Variants in TRPC5OS observed in about 807,000 individuals in gnomAD.
The protein encoded by TRPC5OS is TRPC5 opposite strand, also known as putative uncharacterized protein TRPC5OS.
For synonymous variants in TRPC5OS, 30 were observed against 29.3 expected (o/e 1.02, Z -0.08); for missense variants, 64 against 79.3 (o/e 0.81, Z 0.73).
chrX:111,893,752 T>C (rs1428027276), intron 1 of TRPC5OS, among the ~76,000 whole-genome samples: 3 of 112,248 alleles, frequency 2.7e-5, no homozygotes, highest in Non-Finnish European at 5.6e-5. Flanking sequence ...AAATTAAAGA[T>C]GCTTCATGGG....
chrX:111,888,689 A>G (rs1266851809), intron 1 of TRPC5OS, among the ~76,000 whole-genome samples: 3 of 73,667 alleles, frequency 4.1e-5, no homozygotes, highest in South Asian at 7.8e-4. Context: ...GCGAGACTCT[A>G]TCTCAAAAAA....
At chrX:111,889,605 C>T (rs1222881920) in intron 1 of TRPC5OS, among the ~76,000 whole-genome samples, 2 of 111,671 alleles carry the variant, frequency 1.8e-5, no homozygotes, top group Non-Finnish European at 3.8e-5. Context: ...CACTCTTTAC[C>T]CATGTTTAAA....
chrX:111,886,061 C>T (rs948133992), intron 1 of TRPC5OS, among the ~76,000 whole-genome samples: 5 of 111,923 alleles, frequency 4.5e-5, no homozygotes, highest in African/African-American at 1.6e-4. Flanking sequence ...GGGTGGATCA[C>T]CTCAGGTCAG....
At chrX:111,899,158 T>G (rs2148612822) in intron 3 of TRPC5OS, among the ~76,000 whole-genome samples, 1 of 110,657 alleles carries the variant, frequency 9.0e-6, no homozygotes, top group Admixed American at 9.7e-5. Context: ...AAAAAAAAGC[T>G]AATACAAGGG....
At chrX:111,898,644 T>C (rs937899313) in intron 3 of TRPC5OS, among the ~76,000 whole-genome samples, 1 of 110,729 alleles carries the variant, frequency 9.0e-6, no homozygotes, top group African/African-American at 3.3e-5. Flanking sequence ...CTTAGTCTCA[T>C]GACAATTACA....
At position 111,881,604 on chromosome X, in the gene TRPC5OS, C is replaced by T. The variant is rs185245061; in HGVS notation, c.-546+5331C>T. On this transcript the variant is annotated intron_variant, in intron 1 of 3. Transcript: ENST00000635763. ...TGGAGTGTTACATACATGAGTATCC[C>T]CTGGTTTCTTGGGGGTGTCAATTCA... 9.1e-3 allele frequency among the ~76,000 whole-genome samples: 1,014 copies of T among 111,047 alleles called. 43 individuals are homozygous for T. Among genetic ancestry groups the T allele is most frequent in the Admixed American group, 0.086 (890 of 10,371 alleles).
rs1925370392 is a variant in TRPC5OS, at chrX:111,901,985, G to A, written c.136G>A (p.Ala46Thr). ...EVPYVEENGR[A>T]EETEADAPLP... Reference sequence around the variant, plus strand: ...TCCTTATGTAGAAGAAAATGGTAGAGCAGAAGAGACTGAAGCAGATGCACC... The same window carrying A: ...TCCTTATGTAGAAGAAAATGGTAGAACAGAAGAGACTGAAGCAGATGCACC... Residue 46 changes from alanine to threonine, a missense_variant, in exon 4 of 4, where the codon GCA (alanine) becomes ACA (threonine). Transcript: ENST00000635763. The A allele has an allele frequency of 8.7e-7, 1 of 1,155,634 alleles. No individual in the cohort carries two copies. Among genetic ancestry groups the A allele is most frequent in the Non-Finnish European group, 1.1e-6 (1 of 872,655 alleles).
chrX:111,891,870 A>T (rs1387135743), intron 1 of TRPC5OS, among the ~76,000 whole-genome samples: 1 of 112,227 alleles, frequency 8.9e-6, no homozygotes, highest in Non-Finnish European at 1.9e-5. Flanking sequence ...ATTATAAGTT[A>T]ATGTATGTGA....
At chrX:111,883,675 T>A (rs905241879) in intron 1 of TRPC5OS, among the ~76,000 whole-genome samples, 2 of 112,005 alleles carry the variant, frequency 1.8e-5, no homozygotes, top group African/African-American at 6.5e-5. Flanking sequence ...GGTGTATTGT[T>A]AAAGCATAAC....
At chrX:111,882,176 A>T (rs1318941032) in intron 1 of TRPC5OS, among the ~76,000 whole-genome samples, 3 of 111,891 alleles carry the variant, frequency 2.7e-5, no homozygotes, top group African/African-American at 9.8e-5. Context: ...AGTTTTACAG[A>T]CCATTCTCAT....
intron 1 of TRPC5OS, among the ~76,000 whole-genome samples, chrX:111,888,487 A>T (rs1240070447): frequency 9.8e-6 from 1 of 101,598 alleles, no homozygotes; most frequent in East Asian, 3.1e-4. Context: ...AGCCTGGCCA[A>T]CATGGTGAAA....
Position 111,901,853 on chromosome X carries a change from G to A in TRPC5OS, c.4G>A (p.Asp2Asn), listed in dbSNP as rs1292087259. 2 of 1,129,281 alleles carry A rather than the reference G, an allele frequency of 1.8e-6. No individual in the cohort carries two copies. The highest frequency in any genetic ancestry group is 1.2e-6 in the Non-Finnish European group (1 of 858,330). The allele number at this position is 1,129,281 out of a possible 1,213,427, so 93.1% of individuals were successfully genotyped here. The part of the protein sequence containing the change: M[D>N]SVLIHVLIDG... ...CTATTTAGAAGAGCACTGCAGCATG[G>A]ATTCTGTGTTAATTCATGTACTCAT... The change falls in exon 4 of 4, where the codon GAT becomes AAT. Residue 2 changes from aspartate (D) to asparagine (N), a missense_variant. Physicochemically the swap from Asp to Asn is conservative, Grantham distance 23. Coordinates refer to ENST00000635763, the MANE Select transcript of TRPC5OS (RefSeq NM_001195578.2).
At chrX:111,876,483 A>G (rs1000487111) in intron 1 of TRPC5OS, among the ~76,000 whole-genome samples, 9 of 111,850 alleles carry the variant, frequency 8.0e-5, no homozygotes, top group Non-Finnish European at 1.7e-4. Flanking sequence ...TGTCACTGAT[A>G]TAAACATCGT....
Position 111,885,127 on chromosome X carries a change from A to G in TRPC5OS, c.-546+8854A>G, listed in dbSNP as rs184255094. 1.8e-3 allele frequency among the ~76,000 whole-genome samples: 199 copies of G among 113,188 alleles called. No individual in the cohort carries two copies. The South Asian group carries it at 0.022, about 12-fold the overall frequency. ...GCTTATGCCTAGTTAAGTCCTAGCC[A>G]CAGCCCAGTTAGCTTAGCCAGGGAC... On this transcript the variant is annotated intron_variant, in intron 1 of 3. Coordinates refer to ENST00000635763, the MANE Select transcript of TRPC5OS (RefSeq NM_001195578.2).
chrX:111,890,047 A>G (rs1422183646), intron 1 of TRPC5OS, among the ~76,000 whole-genome samples: 1 of 111,609 alleles, frequency 9.0e-6, no homozygotes, highest in Admixed American at 9.5e-5. Context: ...AGCCCTCTGT[A>G]TTGTGGGTTC....
Position 111,892,705 on chromosome X carries a change from A to T in TRPC5OS, c.-545-3246A>T, listed in dbSNP as rs183096849. Among the ~76,000 whole-genome samples the T allele has an allele frequency of 1.5e-4, 17 of 111,749 alleles. No homozygotes were observed. In the East Asian group the frequency reaches 4.8e-3, roughly 32 times the overall value. On this transcript the variant is annotated intron_variant, in intron 1 of 3. Coordinates refer to ENST00000635763, the MANE Select transcript of TRPC5OS (RefSeq NM_001195578.2). ...CTTCAAGACAGTCCTGTTCCCTCAC[A>T]TTTTTACCCAAGCTCAAAGTCATCA...
chrX:111,887,777 T>C (rs745856574), intron 1 of TRPC5OS, among the ~76,000 whole-genome samples: 10 of 111,950 alleles, frequency 8.9e-5, no homozygotes, highest in Non-Finnish European at 1.9e-4. Context: ...AGTCAACAAA[T>C]ATTTACTGAA....
intron 1 of TRPC5OS, among the ~76,000 whole-genome samples, chrX:111,881,403 C>A (rs2148599589): frequency 9.0e-6 from 1 of 110,938 alleles, no homozygotes; most frequent in African/African-American, 3.3e-5. Flanking sequence ...GTTTCAATCC[C>A]TTGATCTCAT....
At chrX:111,879,761 A>G (rs1924117952) in intron 1 of TRPC5OS, among the ~76,000 whole-genome samples, 1 of 112,705 alleles carries the variant, frequency 8.9e-6, no homozygotes, top group Non-Finnish European at 1.9e-5. Flanking sequence ...AGAAAGAAAT[A>G]TGAGGCTCAT....
Sources: gnomAD v4.1 joint callset for allele counts (sites outside exome capture counted in the v4.1 genomes callset) on GRCh38, gnomAD v4.1.1 for gene constraint, MANE v1.5 for transcripts, NCBI Gene and HGNC (gene_info 2026-07-23, HGNC 2026-07-21) for gene names.